Variants in KLRB1 observed in about 807,000 individuals in gnomAD.
The protein encoded by KLRB1 is killer cell lectin like receptor B1.
KLRB1 carries 27 observed loss-of-function variants against 33.5 expected under a neutral mutation model. The observed-to-expected ratio is 0.81, with a 90% CI of 0.59 to 1.11. The LOEUF is 1.11. Among genes scored for constraint, KLRB1 ranks in the 50% most tolerant of loss-of-function variants. KLRB1 has a pLI of 0.00. For missense variants in KLRB1, 241 were observed against 254.1 expected (o/e 0.95, Z 0.35); for synonymous variants, 64 against 88.9 (o/e 0.72, Z 1.58).
In KLRB1 at chr12:9,598,137, C is replaced by G; in HGVS notation, c.439G>C (p.Asp147His). Residue 147 changes from aspartate (D) to histidine (H), a missense_variant, in exon 5 of 6, where the codon GAC becomes CAC. Transcript: ENST00000229402. ...ELIHTQNLIR[D>H]KAILFWIGLN... ...CCAATCCAAAACAGAATTGCTTTGT[C>G]ACGTATCAGGTTCTGTGTGTGTATC... The G allele has an allele frequency of 6.2e-7, 1 of 1,604,730 alleles. No homozygotes were observed. Among genetic ancestry groups the G allele is most frequent in the South Asian group, 1.1e-5 (1 of 89,466 alleles).
Position 9,598,673 on chromosome 12 carries a change from T to G in KLRB1, c.260-20A>C, listed in dbSNP as rs755129796. ...GTCTCTCTAAAGTAAAAAACAGAAA[T>G]AAGAAATAAATGTTATATTTCTAAC... On this transcript the variant is annotated intron_variant, in intron 3 of 5. Transcript: ENST00000229402. 21 of 1,583,728 alleles carry G rather than the reference T, an allele frequency of 1.3e-5. No individual in the cohort carries two copies. Among genetic ancestry groups the G allele is most frequent in the Non-Finnish European group, 1.7e-5 (20 of 1,159,292 alleles).
rs1555097796 is a variant in KLRB1 at position 9,607,355 on chromosome 12, C to CTTTCTTTCTTTCTTTCTTT, written c.85+399_85+400insAAAGAAAGAAAGAAAGAAA. Reference sequence around the variant, plus strand: ...TCTTTCCTTTCTTTCTTTCTTTCTTCCTTTCTTTCTTTCTTTCTTTCTTTC... The same window carrying CTTTCTTTCTTTCTTTCTTT: ...TCTTTCCTTTCTTTCTTTCTTTCTTCTTTCTTTCTTTCTTTCTTTCTTTCTTTCTTTCTTTCTTTCTTTC... On this transcript the variant is annotated intron_variant, in intron 1 of 5. Coordinates refer to ENST00000229402, the MANE Select transcript of KLRB1 (RefSeq NM_002258.3). 1.3e-3 allele frequency among the ~76,000 whole-genome samples: 71 copies of CTTTCTTTCTTTCTTTCTTT among 52,762 alleles called. 1 individual carries two copies. Among genetic ancestry groups the CTTTCTTTCTTTCTTTCTTT allele is most frequent in the African/African-American group, 3.5e-3 (68 of 19,452 alleles). 34.6% of individuals were successfully genotyped at this position (52,762 alleles called of 152,430 possible). A position where few individuals can be genotyped will look rare whatever the true frequency, so the allele number is the denominator to read the frequency against.
intron 1 of KLRB1, among the ~76,000 whole-genome samples, chr12:9,604,001 C>T (rs1001626951): frequency 6.6e-6 from 1 of 150,494 alleles, no homozygotes; most frequent in Admixed American, 6.6e-5. Context: ...AACAGCAGTT[C>T]TTTTTTTCTA....
intron 2 of KLRB1, 52 bp downstream of exon 2, chr12:9,601,449 C>A: frequency 7.4e-7 from 1 of 1,346,648 alleles, no homozygotes; most frequent in Non-Finnish European, 1.1e-6. Context: ...CTCTAAGATA[C>A]GTAATGGAAG....
chr12:9,599,733 A>T (rs1234212318), intron 3 of KLRB1, 34 bp downstream of exon 3: 1 of 1,260,966 alleles, frequency 7.9e-7, no homozygotes, highest in Non-Finnish European at 1.2e-6. Context: ...AAATATTAAC[A>T]GTTATTCTTA....
In KLRB1 at chr12:9,598,500, A is replaced by G. The variant is rs1864511997; in HGVS notation, c.413T>C (p.Leu138Ser). ...SLLLIRDKDELIHTQNLIRDK... is the reference protein window; with the variant it reads ...SLLLIRDKDESIHTQNLIRDK... Reference sequence around the variant, plus strand: ...AAGGTATTTTATTTAATGATTTACCAATTCATCCTTATCTCGAATAAGCAG... The same window carrying G: ...AAGGTATTTTATTTAATGATTTACCGATTCATCCTTATCTCGAATAAGCAG... Residue 138 changes from leucine (L) to serine (S), a missense_variant and splice_region_variant, in exon 4 of 6, where the codon TTG (leucine) becomes TCG (serine). By Grantham distance (145) the Leu-to-Ser change is moderately radical (BLOSUM62 -2). Coordinates refer to ENST00000229402, the MANE Select transcript of KLRB1 (RefSeq NM_002258.3). The G allele has an allele frequency of 6.2e-7, 1 of 1,606,646 alleles. No individual in the cohort carries two copies. Among genetic ancestry groups the G allele is most frequent in the Non-Finnish European group, 8.5e-7 (1 of 1,176,968 alleles).
chr12:9,606,747 TA>T (rs1864607902), intron 1 of KLRB1, among the ~76,000 whole-genome samples: 1 of 32,874 alleles, frequency 3.0e-5, no homozygotes, highest in South Asian at 9.9e-4. Flanking sequence ...TATATATATA[TA>T]TATATATATA....
chr12:9,607,355 C>CTTTCTTCCTTTCTTTCTTTCTTT (rs1555097796), intron 1 of KLRB1, among the ~76,000 whole-genome samples: 2 of 52,772 alleles, frequency 3.8e-5, no homozygotes, highest in Admixed American at 2.6e-4. Flanking sequence ...TTTCTTTCTT[C>CTTTCTTCCTTTCTTTCTTTCTTT]CTTTCTTTCT....
At chr12:9,606,641 C>T (rs1482728409) in intron 1 of KLRB1, among the ~76,000 whole-genome samples, 1 of 109,660 alleles carries the variant, frequency 9.1e-6, no homozygotes, top group Non-Finnish European at 1.8e-5. Flanking sequence ...CTCATTAAGC[C>T]TACACTTTAT....
chr12:9,599,882 G>A (rs772818122), intron 2 of KLRB1, 41 bp from the exon 3 acceptor site: 3 of 1,036,748 alleles, frequency 2.9e-6, no homozygotes, highest in African/African-American at 1.6e-5. Flanking sequence ...ATGCTGAAAT[G>A]TGTGGTGGAG....
At chr12:9,606,748 ATATATATATATATTTT>A (rs1864608060) in intron 1 of KLRB1, among the ~76,000 whole-genome samples, 2 of 27,264 alleles carry the variant, frequency 7.3e-5, no homozygotes. Context: ...ATATATATAT[ATATATATATATATTTT>A]TTTTTTTTTT....
chr12:9,595,007 A>T lies in KLRB1; in HGVS notation c.*267T>A, dbSNP rs1343265912. ...AAACAATCATATACCAATCTGGCAT[A>T]TTCGGGGACATCCTTCACTCCTTCA... On this transcript the variant is annotated 3_prime_UTR_variant, in exon 6 of 6. Transcript: ENST00000229402. 7.8e-6 allele frequency: 3 copies of T among 387,030 alleles called. No homozygotes were observed. The East Asian group carries it at 1.5e-4, about 19-fold the overall frequency. 24.0% of individuals were successfully genotyped at this position (387,030 alleles called of 1,614,324 possible). A position where few individuals can be genotyped will look rare whatever the true frequency, so the allele number is the denominator to read the frequency against.
At chr12:9,606,750 ATATATATATATTTT>A (rs1864608384) in intron 1 of KLRB1, among the ~76,000 whole-genome samples, 3 of 28,968 alleles carry the variant, frequency 1.0e-4, no homozygotes, top group African/African-American at 4.1e-4. Flanking sequence ...ATATATATAT[ATATATATATATTTT>A]TTTTTTTTTT....
At chr12:9,607,669 A>G in intron 1 of KLRB1, 86 bp downstream of exon 1, 1 of 904,686 alleles carries the variant, frequency 1.1e-6, no homozygotes, top group South Asian at 1.4e-5. Flanking sequence ...TCATCTTTAA[A>G]GCAATGATTT....
chr12:9,606,755 TATA>T (rs1471902933), intron 1 of KLRB1, among the ~76,000 whole-genome samples: 518 of 28,616 alleles, frequency 0.018, 38 homozygotes, highest in East Asian at 0.066. Flanking sequence ...TATATATATA[TATA>T]TATTTTTTTT....
intron 1 of KLRB1, among the ~76,000 whole-genome samples, chr12:9,602,359 T>C (rs1170611957): frequency 6.6e-6 from 1 of 152,130 alleles, no homozygotes; most frequent in Non-Finnish European, 1.5e-5. Flanking sequence ...TATAAATTAA[T>C]CGCAACTTTA....
chr12:9,598,556 T>C lies in KLRB1; in HGVS notation c.357A>G (p.Leu119=). 1 of 1,613,144 alleles carries C rather than the reference T, an allele frequency of 6.2e-7. No homozygotes were observed. The highest frequency in any genetic ancestry group is 1.7e-5 in the Admixed American group (1 of 59,986). Reference sequence around the variant, plus strand: ...TGGATTCTTTGGTGGAACAATCAGCTAGACTGTTATTCCAAGGGTTGACAG... The same window carrying C: ...TGGATTCTTTGGTGGAACAATCAGCCAGACTGTTATTCCAAGGGTTGACAG... ...SHTVNPWNNS[L]ADCSTKESSL... Residue 119 remains leucine, a synonymous_variant, in exon 4 of 6, where the codon CTA becomes CTG. Transcript: ENST00000229402.
At chr12:9,595,831 T>C (rs1864486961) in intron 5 of KLRB1, among the ~76,000 whole-genome samples, 1 of 152,168 alleles carries the variant, frequency 6.6e-6, no homozygotes, top group Admixed American at 6.6e-5. Flanking sequence ...TATGAAAATG[T>C]GGCAATACTT....
intron 1 of KLRB1, chr12:9,606,393 C>T (rs942738121): frequency 4.6e-5 from 7 of 151,986 alleles, no homozygotes; most frequent in Non-Finnish European, 1.0e-4. Context: ...TTGGTGTTCC[C>T]CGCTTCTTTC....
Sources: allele counts gnomAD v4.1 joint callset (sites outside exome capture counted in the v4.1 genomes callset), GRCh38; gene constraint gnomAD v4.1.1; transcripts MANE v1.5; gene names NCBI Gene and HGNC (gene_info 2026-07-23, HGNC 2026-07-21).